Variants in SLC24A2 observed in about 807,000 individuals in gnomAD.
SLC24A2 encodes the protein solute carrier family 24 member 2.
A neutral mutation model predicts 62.0 loss-of-function variants in SLC24A2; 36 were observed. The observed-to-expected ratio is 0.58, with a 90% CI of 0.44 to 0.77. The LOEUF (loss-of-function observed/expected upper bound fraction) is 0.77, where lower values mean the gene tolerates loss of function less well. SLC24A2 is among the 30% of genes least tolerant of loss of function. SLC24A2 has a pLI of 0.00. For missense variants in SLC24A2, 846 were observed against 817.9 expected (o/e 1.03, Z -0.42); for synonymous variants, 358 against 294.0 (o/e 1.22, Z -2.23).
chr9:19,664,504 A>G (rs1217715550), intron 2 of SLC24A2, among the ~76,000 whole-genome samples: 1 of 152,236 alleles, frequency 6.6e-6, no homozygotes, highest in Non-Finnish European at 1.5e-5. Context: ...CAAGGTTTGA[A>G]AGTGCAAAGT....
In SLC24A2 at chr9:19,599,996, T is replaced by A. The variant is rs1034079814; in HGVS notation, c.1079-2717A>T. Among the ~76,000 whole-genome samples, 16 of 152,114 alleles carry A rather than the reference T, an allele frequency of 1.1e-4. No homozygotes were observed. The highest frequency in any genetic ancestry group is 3.9e-4 in the African/African-American group (16 of 41,430). On this transcript the variant is annotated intron_variant, in intron 4 of 10. Transcript: ENST00000341998. This position sits in a 1 kb window ranked among gnomAD's most constrained non-coding sequence, Gnocchi z 4.5. ...TTTTTTGGGGATAGGAGGAAAGAAG[T>A]AAGGGAGTTCAAGAGTCTATTAGTT... is the stretch of plus-strand genomic sequence containing the variant.
At chr9:19,637,637 G>A (rs148881002) in intron 2 of SLC24A2, among the ~76,000 whole-genome samples, 200 of 152,322 alleles carry the variant, frequency 1.3e-3, no homozygotes, top group East Asian at 7.7e-3. Flanking sequence ...GGCACAGTGC[G>A]TGGTGTTTTT....
At chr9:20,271,003 G>C in the SLC24A2 span, among the ~76,000 whole-genome samples, 2 of 152,048 alleles carry the variant, frequency 1.3e-5, no homozygotes, top group Non-Finnish European at 2.9e-5. Context: ...CTGTTCCCCA[G>C]GTTGTGCTAG....
the SLC24A2 span, among the ~76,000 whole-genome samples, chr9:20,067,056 G>T: frequency 6.6e-6 from 1 of 152,078 alleles, no homozygotes; most frequent in Non-Finnish European, 1.5e-5. Flanking sequence ...GAAACAATTT[G>T]TTCTAGATGG....
intron 2 of SLC24A2, among the ~76,000 whole-genome samples, chr9:19,704,808 T>C (rs1820462438): frequency 6.6e-6 from 1 of 152,002 alleles, no homozygotes; most frequent in Admixed American, 6.6e-5. Context: ...CTTTTTTTTT[T>C]TTTTTTTTTA....
At chr9:20,213,110 G>A in the SLC24A2 span, among the ~76,000 whole-genome samples, 1 of 151,626 alleles carries the variant, frequency 6.6e-6, no homozygotes, top group South Asian at 2.1e-4. Context: ...GATAAGTGCA[G>A]CAAATCACCA....
chr9:20,131,683 T>G, the SLC24A2 span, among the ~76,000 whole-genome samples: 1 of 152,136 alleles, frequency 6.6e-6, no homozygotes, highest in African/African-American at 2.4e-5. Context: ...GCTGGAGAGC[T>G]GCTATAGACG....
At chr9:20,096,225 T>C in the SLC24A2 span, among the ~76,000 whole-genome samples, 1 of 152,222 alleles carries the variant, frequency 6.6e-6, no homozygotes, top group Non-Finnish European at 1.5e-5. Flanking sequence ...ACTGTTGTTA[T>C]AGAGTATGCA....
At chr9:19,812,955 A>C in the SLC24A2 span, among the ~76,000 whole-genome samples, 1 of 152,176 alleles carries the variant, frequency 6.6e-6, no homozygotes, top group Non-Finnish European at 1.5e-5. Flanking sequence ...CCTGAGTTCT[A>C]ATCCTTGCCT....
chr9:20,212,746 G>C, the SLC24A2 span, among the ~76,000 whole-genome samples: 1 of 150,718 alleles, frequency 6.6e-6, no homozygotes, highest in Non-Finnish European at 1.5e-5. Context: ...TAATATTTTT[G>C]GTTCCCATGA....
the SLC24A2 span, among the ~76,000 whole-genome samples, chr9:20,179,081 T>G: frequency 6.6e-6 from 1 of 152,140 alleles, no homozygotes; most frequent in Non-Finnish European, 1.5e-5. Flanking sequence ...TGACCCCCTC[T>G]ATCCCCTCAT....
In SLC24A2 at chr9:19,512,626, C is replaced by G. The variant is rs1363733438; in HGVS notation, c.*3527G>C. The G allele has an allele frequency of 6.6e-6, 1 of 152,166 alleles. No individual in the cohort carries two copies. The highest frequency in any genetic ancestry group is 1.9e-4 in the East Asian group (1 of 5,188). The allele number at this position is 152,166 out of a possible 1,614,324, so 9.4% of individuals were successfully genotyped here. A position where few individuals can be genotyped will look rare whatever the true frequency, so the allele number is the denominator to read the frequency against. On this transcript the variant is annotated 3_prime_UTR_variant, in exon 11 of 11. Coordinates refer to ENST00000341998, the MANE Select transcript of SLC24A2 (RefSeq NM_020344.4). ...TCTATTTGGGAATTGTCAGTTTGAG[C>G]CAAGCTGCTCTGCTGCCTTGGAAGT... is the stretch of plus-strand genomic sequence containing the variant.
the SLC24A2 span, among the ~76,000 whole-genome samples, chr9:19,935,409 C>CAA: frequency 3.3e-5 from 5 of 151,624 alleles, no homozygotes; most frequent in Non-Finnish European, 5.9e-5. Flanking sequence ...ACAAACAAAA[C>CAA]AAAAAAAACC....
At chr9:19,612,347 CT>C (rs577152342) in intron 4 of SLC24A2, among the ~76,000 whole-genome samples, 6 of 152,054 alleles carry the variant, frequency 3.9e-5, no homozygotes, top group African/African-American at 1.4e-4. Flanking sequence ...TTTTAGTTTC[CT>C]TTTTTTCTAA....
the SLC24A2 span, among the ~76,000 whole-genome samples, chr9:20,183,951 ACAAT>A: frequency 6.6e-6 from 1 of 152,326 alleles, no homozygotes; most frequent in East Asian, 1.9e-4. Context: ...GGTGAAGAAA[ACAAT>A]CAACAGAGTG....
the SLC24A2 span, among the ~76,000 whole-genome samples, chr9:19,947,800 A>AGAAAGAAAGAAAGAAAGAAAG: frequency 1.0e-4 from 3 of 29,354 alleles, no homozygotes; most frequent in African/African-American, 3.3e-4. Context: ...CAAAAAAAAA[A>AGAAAGAAAGAAAGAAAGAAAG]AAAAAAAAAA....
At chr9:20,057,242 A>G in the SLC24A2 span, among the ~76,000 whole-genome samples, 4,927 of 152,246 alleles carry the variant, frequency 0.032, 102 homozygotes, top group South Asian at 0.079. Flanking sequence ...GCTAAATTTG[A>G]GCGTGTGATG....
the SLC24A2 span, among the ~76,000 whole-genome samples, chr9:20,272,913 A>G: frequency 4.6e-4 from 70 of 152,318 alleles, no homozygotes; most frequent in African/African-American, 1.6e-3. Context: ...TGTTGCAAGT[A>G]AAGGTTAAGA....
intron 8 of SLC24A2, among the ~76,000 whole-genome samples, chr9:19,532,017 C>T (rs1833732899): frequency 6.6e-6 from 1 of 152,106 alleles, no homozygotes; most frequent in Non-Finnish European, 1.5e-5. Context: ...TGCAGATGCC[C>T]AAATCCATAA....
Sources: gnomAD v4.1 joint callset for allele counts (sites outside exome capture counted in the v4.1 genomes callset) on GRCh38, gnomAD v4.1.1 for gene constraint, Gnocchi (gnomAD v3.1) non-coding constraint, MANE v1.5 for transcripts, NCBI Gene and HGNC (gene_info 2026-07-23, HGNC 2026-07-21) for gene names.